The following ANXA6 variants were observed in gnomAD, a reference collection of about 807,000 sequenced individuals.
The protein encoded by ANXA6 is 67 kDa calelectrin.
In ANXA6, 71 loss-of-function variants were observed where a neutral mutation model predicts 95.4. The observed-to-expected ratio is 0.74, with a 90% CI of 0.61 to 0.91. The LOEUF (loss-of-function observed/expected upper bound fraction) is 0.91, where lower values mean the gene tolerates loss of function less well. Among genes scored for constraint, ANXA6 ranks in the 40% least tolerant of loss-of-function variants. The pLI, the probability that ANXA6 is intolerant of heterozygous loss-of-function variation, is 0.00. For synonymous variants in ANXA6, 289 were observed against 315.9 expected, an observed-to-expected ratio of 0.91 and a Z score of 0.90; for missense variants, 830 against 876.4, an observed-to-expected ratio of 0.95 and a Z score of 0.67.
rs114798652 is a variant in ANXA6, at chr5:151,129,761, A to G, written c.796-232T>C. Among the ~76,000 whole-genome samples the G allele has an allele frequency of 4.5e-3, 686 of 152,118 alleles. 8 individuals carry two copies. The highest frequency in any genetic ancestry group is 0.015 in the African/African-American group (630 of 41,478). ...AGTGTCTCACTCTTGTCCAGGCTGG[A>G]GTGCAGTGGTACGATCTCAGCTCAC... is the stretch of plus-strand genomic sequence containing the variant. On this transcript the variant is annotated intron_variant, in intron 11 of 25. Coordinates refer to ENST00000354546, the MANE Select transcript of ANXA6 (RefSeq NM_001155.5).
intron 17 of ANXA6, among the ~76,000 whole-genome samples, chr5:151,121,673 T>A (rs1413699388): frequency 6.6e-6 from 1 of 152,204 alleles, no homozygotes; most frequent in Non-Finnish European, 1.5e-5. Flanking sequence ...AGACTCCAAC[T>A]GCTGGTGCTT....
chr5:151,132,915 T>TA (rs1293490017), intron 9 of ANXA6, among the ~76,000 whole-genome samples, 179 bp downstream of exon 9: 5 of 149,536 alleles, frequency 3.3e-5, no homozygotes, highest in South Asian at 2.2e-4. Context: ...GCCATTCCTT[T>TA]AAAAACGGCA....
chr5:151,136,316 C>G lies in ANXA6; in HGVS notation c.429G>C (p.Glu143Asp). Residue 143 changes from glutamate to aspartate, a missense_variant, in exon 7 of 26, where the codon GAG (glutamate) becomes GAC (aspartate). Glu to Asp is a conservative substitution (Grantham distance 45, BLOSUM62 2). Transcript: ENST00000354546. Reference protein sequence around the residue: ...AYKDAYERDLEADIIGDTSGH... With the variant: ...AYKDAYERDLDADIIGDTSGH... ...CAGAGGTGTCGCCGATGATGTCAGC[C>G]TCCAGGTCCCGCTCGTAGGCTGCAG... The G allele has an allele frequency of 6.2e-7, 1 of 1,613,958 alleles. No homozygotes were observed.
intron 1 of ANXA6, chr5:151,151,386 C>G (rs566397064): frequency 6.6e-6 from 1 of 152,170 alleles, no homozygotes; most frequent in African/African-American, 2.4e-5. Flanking sequence ...ATTTTCTAGA[C>G]GGGGTAAAGG....
rs578053927 is a variant in ANXA6, at chr5:151,117,541, C to A, written c.1518+217G>T. Among the ~76,000 whole-genome samples, 4 of 152,306 alleles carry A rather than the reference C, an allele frequency of 2.6e-5. No individual in the cohort carries two copies. In the East Asian group the frequency reaches 7.7e-4, roughly 29 times the overall value. On this transcript the variant is annotated intron_variant, in intron 19 of 25. Coordinates refer to ENST00000354546, the MANE Select transcript of ANXA6 (RefSeq NM_001155.5). The stretch of plus-strand genomic sequence containing the variant: ...GGGCCCAACAAGCCAGGACAAGGGC[C>A]ACCAGGGAGGACTGTCTGGAGAAGG...
At chr5:151,107,890 ATG>A (rs758077663) in intron 23 of ANXA6, among the ~76,000 whole-genome samples, 7 of 151,684 alleles carry the variant, frequency 4.6e-5, no homozygotes, top group Non-Finnish European at 8.8e-5. Flanking sequence ...TGTGTCTTGT[ATG>A]TGTGTGCATG....
chr5:151,119,420 C>A lies in ANXA6; in HGVS notation c.1348-30G>T, dbSNP rs2303022. 3.0e-4 allele frequency: 481 copies of A among 1,602,302 alleles called. 2 individuals carry two copies. Among genetic ancestry groups the A allele is most frequent in the Non-Finnish European group, 4.0e-4 (470 of 1,169,746 alleles). ...AATGTCAAGGCAAAGATGATCTCAGCCATAGTTCTGACCTCCTGTGCAGAG... is the reference window on the plus strand; with the variant it reads ...AATGTCAAGGCAAAGATGATCTCAGACATAGTTCTGACCTCCTGTGCAGAG... On this transcript the variant is annotated intron_variant, in intron 17 of 25. Coordinates refer to ENST00000354546, the MANE Select transcript of ANXA6 (RefSeq NM_001155.5).
At chr5:151,127,106 A>G (rs1765347588) in intron 13 of ANXA6, among the ~76,000 whole-genome samples, 1 of 152,232 alleles carries the variant, frequency 6.6e-6, no homozygotes, top group African/African-American at 2.4e-5. Context: ...TTTCTTCCTT[A>G]GAATTTGAAT....
chr5:151,133,013 G>A, intron 9 of ANXA6, 81 bp downstream of exon 9: 1 of 1,069,254 alleles, frequency 9.4e-7, no homozygotes. Flanking sequence ...TCCATTAGTG[G>A]TAAAGAAAAG....
intron 2 of ANXA6, among the ~76,000 whole-genome samples, chr5:151,144,558 G>A (rs903306345): frequency 1.3e-5 from 2 of 152,090 alleles, no homozygotes; most frequent in African/African-American, 2.4e-5. Context: ...CCAGGATGAA[G>A]GGCGGAGGAT....
At chr5:151,130,024 C>G (rs1301213913) in intron 11 of ANXA6, among the ~76,000 whole-genome samples, 2 of 152,152 alleles carry the variant, frequency 1.3e-5, no homozygotes, top group African/African-American at 4.8e-5. Flanking sequence ...TAAACCTCTT[C>G]TCTCTTCATG....
At chr5:151,132,423 G>C in intron 10 of ANXA6, 53 bp downstream of exon 10, 1 of 1,350,270 alleles carries the variant, frequency 7.4e-7, no homozygotes, top group Non-Finnish European at 1.0e-6. Flanking sequence ...TTGTTCCTAG[G>C]CCAGTGTTCC....
chr5:151,133,296 G>A, intron 8 of ANXA6, 109 bp from the exon 9 acceptor site: 2 of 704,200 alleles, frequency 2.8e-6, no homozygotes, highest in Non-Finnish European at 5.1e-6. Flanking sequence ...ACGAGTAATT[G>A]GTAGCCTGAA....
intron 25 of ANXA6, among the ~76,000 whole-genome samples, chr5:151,103,356 G>A: frequency 6.6e-6 from 1 of 152,078 alleles, no homozygotes; most frequent in East Asian, 1.9e-4. Flanking sequence ...ATGGGCTCTT[G>A]TTTTATTTGG....
chr5:151,111,474 G>A (rs144385141), intron 20 of ANXA6, among the ~76,000 whole-genome samples: 201 of 152,302 alleles, frequency 1.3e-3, no homozygotes, highest in East Asian at 5.2e-3. Context: ...GGCAATGTCC[G>A]TTAAAAGTTA....
intron 1 of ANXA6, among the ~76,000 whole-genome samples, chr5:151,152,434 G>C (rs1676057877): frequency 6.6e-6 from 1 of 152,194 alleles, no homozygotes; most frequent in South Asian, 2.1e-4. Flanking sequence ...AGTAACTTGG[G>C]CAAGTTATGG....
intron 1 of ANXA6, among the ~76,000 whole-genome samples, chr5:151,149,068 C>G (rs1206313030): frequency 1.3e-5 from 2 of 149,796 alleles, no homozygotes; most frequent in Non-Finnish European, 3.0e-5. Flanking sequence ...ATAGTCCCAG[C>G]TACTTGGGAG....
intron 2 of ANXA6, among the ~76,000 whole-genome samples, chr5:151,145,750 TTC>T (rs981932587): frequency 1.3e-5 from 2 of 152,074 alleles, no homozygotes; most frequent in Admixed American, 6.5e-5. Flanking sequence ...TTTTTCACAT[TTC>T]TCTGTTATTG....
intron 11 of ANXA6, among the ~76,000 whole-genome samples, chr5:151,130,313 C>T (rs556503888): frequency 4.9e-4 from 75 of 151,864 alleles, no homozygotes; most frequent in Non-Finnish European, 8.7e-4. Context: ...CATAGCACTG[C>T]GTTCACTGAA....
Sources: gnomAD v4.1 joint callset for allele counts (sites outside exome capture counted in the v4.1 genomes callset) on GRCh38, gnomAD v4.1.1 for gene constraint, MANE v1.5 for transcripts, NCBI Gene and HGNC (gene_info 2026-07-23, HGNC 2026-07-21) for gene names.